Variants in CSMD1 observed in about 807,000 individuals in gnomAD.
CSMD1 encodes the protein CUB and Sushi multiple domains 1.
In CSMD1, 213 loss-of-function variants were observed where a neutral mutation model predicts 417.5. The ratio of observed to expected loss-of-function variants is 0.51; its 90% CI spans 0.46 to 0.57. The LOEUF is 0.57. Among genes scored for constraint, CSMD1 ranks in the 20% least tolerant of loss-of-function variants. The pLI is 0.00. For synonymous variants in CSMD1, 2,862 were observed against 1,736.8 expected (o/e 1.65, Z -16.11); for missense variants, 6,923 against 4,529.7 (o/e 1.53, Z -15.17).
rs183871683 is a variant in CSMD1 at position 3,287,867 on chromosome 8, C to A, written c.3951-3521G>T. On this transcript the variant is annotated intron_variant, in intron 25 of 69. Transcript: ENST00000635120. Reference sequence around the variant, plus strand: ...GAATAGGACTGGTGAGAGAGGGCATCCCTCTCTTGTGCCAGTTTGCAAAGG... The same window carrying A: ...GAATAGGACTGGTGAGAGAGGGCATACCTCTCTTGTGCCAGTTTGCAAAGG... Among the ~76,000 whole-genome samples the A allele has an allele frequency of 7.0e-4, 103 of 147,812 alleles. 4 individuals are homozygous for A. In the Middle Eastern group the frequency reaches 0.041, roughly 59 times the overall value.
At chr8:4,269,092 T>C (rs1323374674) in intron 3 of CSMD1, among the ~76,000 whole-genome samples, 1 of 152,236 alleles carries the variant, frequency 6.6e-6, no homozygotes, top group African/African-American at 2.4e-5. Context: ...AGTCTCACTT[T>C]GTCGCCCAGG....
At chr8:3,826,470 T>C (rs1802061021) in intron 5 of CSMD1, among the ~76,000 whole-genome samples, 1 of 152,138 alleles carries the variant, frequency 6.6e-6, no homozygotes, top group Admixed American at 6.6e-5. Context: ...GCAGCACCTT[T>C]ACATCTCCTA....
intron 12 of CSMD1, among the ~76,000 whole-genome samples, chr8:3,411,452 C>T (rs779638892): frequency 6.6e-6 from 1 of 151,672 alleles, no homozygotes; most frequent in African/African-American, 2.4e-5. Context: ...CCCTTCACAC[C>T]CTTTCCCCGA....
intron 3 of CSMD1, among the ~76,000 whole-genome samples, chr8:4,161,069 G>C (rs1431646291): frequency 2.0e-5 from 3 of 151,652 alleles, no homozygotes; most frequent in African/African-American, 4.9e-5. Flanking sequence ...AGATTTGCAG[G>C]AAATGTAAAT....
rs1798205479 is a variant in CSMD1 at position 3,536,494 on chromosome 8, TG to T, written c.1344+38450del. ...TTTCCTCTTTGATTAATGGGGATTA[TG>T]TTTTTTCCTCTCCAGGGTATCTTCG... On this transcript the variant is annotated intron_variant, in intron 10 of 69. Coordinates refer to ENST00000635120, the MANE Select transcript of CSMD1 (RefSeq NM_033225.6). Among the ~76,000 whole-genome samples, 13 of 152,230 alleles carry T rather than the reference TG, an allele frequency of 8.5e-5. No individual in the cohort carries two copies. In the South Asian group the frequency reaches 2.7e-3, roughly 32 times the overall value.
At chr8:4,227,359 G>T (rs1224665644) in intron 3 of CSMD1, among the ~76,000 whole-genome samples, 1 of 152,070 alleles carries the variant, frequency 6.6e-6, no homozygotes, top group Non-Finnish European at 1.5e-5. Flanking sequence ...GAGGTCTATT[G>T]TCTAACATTT....
intron 37 of CSMD1, among the ~76,000 whole-genome samples, chr8:3,169,066 C>G (rs1194302351): frequency 6.6e-6 from 1 of 152,180 alleles, no homozygotes; most frequent in African/African-American, 2.4e-5. Flanking sequence ...GGTCTACGTA[C>G]CACCCACCAA....
intron 5 of CSMD1, among the ~76,000 whole-genome samples, chr8:3,986,048 C>G (rs960309367): frequency 1.3e-5 from 2 of 152,058 alleles, no homozygotes; most frequent in African/African-American, 2.4e-5. Context: ...CTGTCTTTTC[C>G]TCTTCATTAT....
At chr8:3,955,967 G>C (rs572034113) in intron 5 of CSMD1, among the ~76,000 whole-genome samples, 4 of 152,132 alleles carry the variant, frequency 2.6e-5, no homozygotes, top group Admixed American at 2.0e-4. Context: ...CTAATTGTTT[G>C]TATTTTTAGT....
intron 3 of CSMD1, among the ~76,000 whole-genome samples, chr8:4,122,200 T>G (rs1472020095): frequency 1.3e-5 from 2 of 152,222 alleles, no homozygotes; most frequent in Non-Finnish European, 2.9e-5. Context: ...AACACCGTGT[T>G]AATGATAGTC....
chr8:3,708,564 A>G, intron 6 of CSMD1, 73 bp from the exon 7 acceptor site: 3 of 1,275,778 alleles, frequency 2.4e-6, no homozygotes, highest in Non-Finnish European at 3.4e-6. Flanking sequence ...TCCACACAGC[A>G]CTTCCAGTCA....
chr8:4,196,183 C>G (rs813584), intron 3 of CSMD1, among the ~76,000 whole-genome samples: 96,330 of 151,914 alleles, frequency 0.63, 31,939 homozygotes, highest in Non-Finnish European at 0.73. Flanking sequence ...TGCACTCCAG[C>G]CTGGGCGACG....
chr8:3,364,679 G>A (rs978300598), intron 20 of CSMD1, among the ~76,000 whole-genome samples: 4 of 152,132 alleles, frequency 2.6e-5, no homozygotes, highest in Non-Finnish European at 1.5e-5. Flanking sequence ...TACCCCATGG[G>A]GATATGGGCG....
At position 3,188,974 on chromosome 8, in the gene CSMD1, T is replaced by G; in HGVS notation, c.5436A>C (p.Thr1812=). 1 of 1,613,520 alleles carries G rather than the reference T, an allele frequency of 6.2e-7. No homozygotes were observed. The highest frequency in any genetic ancestry group is 8.5e-7 in the Non-Finnish European group (1 of 1,179,660). The change falls in exon 35 of 70, where the codon ACA becomes ACC. Residue 1812 remains threonine, a synonymous_variant. Coordinates refer to ENST00000635120, the MANE Select transcript of CSMD1 (RefSeq NM_033225.6). ...CSGNFTQRRG[T]ILSPGYPEPY... The stretch of plus-strand genomic sequence containing the variant: ...GCTCAGGGTAGCCGGGGGACAGGAT[T>G]GTACCTCTTCGTTGAGTGAAATTGC...
At chr8:2,958,166 A>G (rs1463456262) in intron 62 of CSMD1, among the ~76,000 whole-genome samples, 1 of 152,032 alleles carries the variant, frequency 6.6e-6, no homozygotes, top group African/African-American at 2.4e-5. Context: ...TATTTATTAG[A>G]AAATTACTTT....
chr8:4,279,881 C>G (rs1259537526), intron 3 of CSMD1, among the ~76,000 whole-genome samples: 1 of 152,110 alleles, frequency 6.6e-6, no homozygotes, highest in East Asian at 1.9e-4. Flanking sequence ...AAGCAGATGC[C>G]AACTGCGTCA....
chr8:3,370,869 A>G (rs897631063), intron 18 of CSMD1, among the ~76,000 whole-genome samples: 2 of 152,106 alleles, frequency 1.3e-5, no homozygotes, highest in Non-Finnish European at 2.9e-5. Flanking sequence ...CCAGCTATTC[A>G]GAAGGCTGAG....
At chr8:4,005,386 C>G (rs1040336621) in intron 4 of CSMD1, among the ~76,000 whole-genome samples, 1 of 152,184 alleles carries the variant, frequency 6.6e-6, no homozygotes, top group Non-Finnish European at 1.5e-5. Flanking sequence ...AACAGACACA[C>G]GTGGCCGGGT....
At chr8:3,483,874 G>C (rs1349606333) in intron 11 of CSMD1, among the ~76,000 whole-genome samples, 1 of 152,066 alleles carries the variant, frequency 6.6e-6, no homozygotes, top group African/African-American at 2.4e-5. Flanking sequence ...CATTAGAAGA[G>C]GCTAAAGAAA....
Sources: allele counts gnomAD v4.1 joint callset (sites outside exome capture counted in the v4.1 genomes callset), GRCh38; gene constraint gnomAD v4.1.1; transcripts MANE v1.5; gene names NCBI Gene and HGNC (gene_info 2026-07-23, HGNC 2026-07-21).